Variants in PLD1 observed in about 807,000 individuals in gnomAD.
The protein encoded by PLD1 is choline phosphatase 1.
In PLD1, 112 loss-of-function variants were observed where a neutral mutation model predicts 137.1. The ratio of observed to expected loss-of-function variants is 0.82; its 90% CI spans 0.70 to 0.96. The LOEUF (loss-of-function observed/expected upper bound fraction) is 0.96. Ranked by LOEUF, PLD1 falls within the 40% of genes least tolerant of loss-of-function variation. PLD1 has a pLI of 0.00. For missense variants in PLD1, 1,321 were observed against 1,342.0 expected, an observed-to-expected ratio of 0.98 and a Z score of 0.24; for synonymous variants, 431 against 454.7, an observed-to-expected ratio of 0.95 and a Z score of 0.66.
intron 26 of PLD1, among the ~76,000 whole-genome samples, chr3:171,604,855 G>A (rs1732084237): frequency 6.6e-6 from 1 of 152,206 alleles, no homozygotes; most frequent in Non-Finnish European, 1.5e-5. Flanking sequence ...CTACCCTTGT[G>A]AATATTCCTC....
chr3:171,764,435 A>G (rs1429724579), intron 1 of PLD1, among the ~76,000 whole-genome samples: 2 of 152,216 alleles, frequency 1.3e-5, no homozygotes, highest in African/African-American at 4.8e-5. Flanking sequence ...TAAGGCAACG[A>G]AGTTGAGTCT....
chr3:171,626,921 C>T (rs546824697), intron 23 of PLD1, among the ~76,000 whole-genome samples: 23 of 152,278 alleles, frequency 1.5e-4, no homozygotes, highest in African/African-American at 5.3e-4. Context: ...ATTATAAAGA[C>T]CACTGAGGCT....
At chr3:171,654,049 G>T in intron 21 of PLD1, 1 of 382,894 alleles carries the variant, frequency 2.6e-6, no homozygotes. Flanking sequence ...AGAAGCATGA[G>T]GGGCACTTTG....
chr3:171,680,902 A>G (rs1442388838), intron 16 of PLD1, among the ~76,000 whole-genome samples: 1 of 152,120 alleles, frequency 6.6e-6, no homozygotes, highest in African/African-American at 2.4e-5. Context: ...CACTGACACA[A>G]CCTTGTCAGA....
chr3:171,803,365 G>A (rs1023425800), intron 1 of PLD1, among the ~76,000 whole-genome samples: 1 of 152,180 alleles, frequency 6.6e-6, no homozygotes, highest in African/African-American at 2.4e-5. Context: ...AGAAAGATGG[G>A]GTGGAGAAGC....
chr3:171,620,740 CTCTATATATATATATA>C (rs1417421649), intron 23 of PLD1, among the ~76,000 whole-genome samples: 1 of 80,544 alleles, frequency 1.2e-5, no homozygotes, highest in African/African-American at 5.1e-5. Flanking sequence ...CTCTCTCTCT[CTCTATATATATATATA>C]TATATATATA....
At chr3:171,705,937 TA>T (rs1716646102) in intron 11 of PLD1, among the ~76,000 whole-genome samples, 1 of 152,042 alleles carries the variant, frequency 6.6e-6, no homozygotes, top group Non-Finnish European at 1.5e-5. Context: ...TAAAGAGTTG[TA>T]AAAAAAATAT....
chr3:171,628,630 G>A (rs1454107295), intron 23 of PLD1, among the ~76,000 whole-genome samples: 6 of 151,530 alleles, frequency 4.0e-5, no homozygotes, highest in Admixed American at 6.6e-5. Flanking sequence ...CTGGCAAACC[G>A]AATCCAGCAG....
chr3:171,661,910 G>T (rs1711538534), intron 20 of PLD1, 150 bp downstream of exon 20: 1 of 537,390 alleles, frequency 1.9e-6, no homozygotes, highest in Admixed American at 3.3e-5. Context: ...TCAAAATTCA[G>T]GTGATATGAA....
At chr3:171,620,016 C>T (rs575729411) in intron 24 of PLD1, among the ~76,000 whole-genome samples, 7 of 152,264 alleles carry the variant, frequency 4.6e-5, no homozygotes, top group Non-Finnish European at 8.8e-5. Flanking sequence ...GCAATTTTCA[C>T]GAAGTCCATT....
At chr3:171,694,931 T>G (rs1435051433) in intron 12 of PLD1, among the ~76,000 whole-genome samples, 2 of 152,196 alleles carry the variant, frequency 1.3e-5, no homozygotes, top group Non-Finnish European at 2.9e-5. Flanking sequence ...CTTTTTAGCT[T>G]AAAGACAAAT....
intron 6 of PLD1, among the ~76,000 whole-genome samples, chr3:171,730,393 T>C (rs957630958): frequency 6.6e-6 from 1 of 150,600 alleles, no homozygotes; most frequent in Admixed American, 6.6e-5. Flanking sequence ...AACACTAGGA[T>C]GCTCTCCTTT....
intron 11 of PLD1, among the ~76,000 whole-genome samples, chr3:171,700,271 A>C (rs1022567540): frequency 1.4e-4 from 21 of 151,770 alleles, no homozygotes; most frequent in Non-Finnish European, 2.5e-4. Flanking sequence ...GGAGGTACAC[A>C]GGGGCTTAAT....
At chr3:171,775,931 G>A (rs1190790381) in intron 1 of PLD1, among the ~76,000 whole-genome samples, 2 of 152,164 alleles carry the variant, frequency 1.3e-5, no homozygotes, top group African/African-American at 2.4e-5. Flanking sequence ...ATAGCTCTGC[G>A]AAAAGGGGGA....
chr3:171,611,539 A>G, intron 25 of PLD1: 2 of 513,356 alleles, frequency 3.9e-6, no homozygotes, highest in Non-Finnish European at 7.8e-6. Flanking sequence ...CCAGCTTCCT[A>G]GCCCAGTATT....
In PLD1 at chr3:171,644,875, G is replaced by A. The variant is rs9858995; in HGVS notation, c.2543+35C>T. 1,253 of 1,302,380 alleles carry A rather than the reference G, an allele frequency of 9.6e-4. 4 individuals are homozygous for A. In the African/African-American group the frequency reaches 0.016, roughly 17 times the overall value. 80.7% of individuals were successfully genotyped at this position (1,302,380 alleles called of 1,614,324 possible). On this transcript the variant is annotated intron_variant, in intron 22 of 26. Coordinates refer to ENST00000351298, the MANE Select transcript of PLD1 (RefSeq NM_002662.5). ...TCATCAGCTTACATGATGCATGACC[G>A]AAAGCTCAAAATAGACCATTTAGAG...
At chr3:171,639,141 T>C (rs1464418042) in intron 23 of PLD1, among the ~76,000 whole-genome samples, 2 of 147,332 alleles carry the variant, frequency 1.4e-5, no homozygotes, top group East Asian at 3.9e-4. Flanking sequence ...AATCTTTTCA[T>C]ATATATATAT....
At chr3:171,763,830 C>CTT (rs71178234) in intron 1 of PLD1, among the ~76,000 whole-genome samples, 56 of 86,656 alleles carry the variant, frequency 6.5e-4, no homozygotes, top group South Asian at 2.4e-3. Context: ...TTCTTTCTTT[C>CTT]TTTTTTTTTT....
chr3:171,645,277 T>C (rs1278250866), intron 21 of PLD1, among the ~76,000 whole-genome samples: 4 of 152,208 alleles, frequency 2.6e-5, no homozygotes, highest in Admixed American at 2.0e-4. Flanking sequence ...ATTGTCTCTC[T>C]ACAGCATAAT....
Sources: gnomAD v4.1 joint callset for allele counts (sites outside exome capture counted in the v4.1 genomes callset) on GRCh38, gnomAD v4.1.1 for gene constraint, MANE v1.5 for transcripts, NCBI Gene and HGNC (gene_info 2026-07-23, HGNC 2026-07-21) for gene names.